Variants in NBR1 observed in about 807,000 individuals in gnomAD.
The protein encoded by NBR1 is next to BRCA1 gene 1 protein.
A neutral mutation model predicts 115.5 loss-of-function variants in NBR1; 59 were observed. The observed-to-expected ratio is 0.51, with a 90% CI of 0.41 to 0.63. The LOEUF (loss-of-function observed/expected upper bound fraction) is 0.63. Among genes scored for constraint, NBR1 ranks in the 30% least tolerant of loss-of-function variants. The probability of loss-of-function intolerance (pLI) is 0.00; values close to 1 mark genes in which losing one functional copy is unlikely to be tolerated. For missense variants in NBR1, 1,043 were observed against 1,150.5 expected (o/e 0.91, Z 1.35); for synonymous variants, 373 against 414.7 (o/e 0.90, Z 1.22).
intron 6 of NBR1, among the ~76,000 whole-genome samples, chr17:43,186,681 C>T (rs1043948681): frequency 2.6e-5 from 4 of 152,068 alleles, no homozygotes; most frequent in Non-Finnish European, 4.4e-5. Context: ...CACCCCACCC[C>T]CTGACAGGCC....
chr17:43,190,182 A>T (rs1431550730), intron 8 of NBR1: 1 of 289,300 alleles, frequency 3.5e-6, no homozygotes, highest in Non-Finnish European at 6.5e-6. Context: ...TCACCCTCCC[A>T]GGCTCAGACA....
intron 20 of NBR1, among the ~76,000 whole-genome samples, chr17:43,207,240 C>T (rs2057334749): frequency 6.6e-6 from 1 of 152,182 alleles, no homozygotes; most frequent in African/African-American, 2.4e-5. Flanking sequence ...CCCTCAGTAT[C>T]TATGACGGTT....
chr17:43,195,068 C>T (rs747806554), intron 14 of NBR1, 29 bp downstream of exon 14: 20 of 1,576,118 alleles, frequency 1.3e-5, no homozygotes, highest in African/African-American at 2.7e-5. Context: ...TCATCTTGTT[C>T]GTCTTACTAA....
At chr17:43,176,333 G>A (rs2056515970) in intron 2 of NBR1, 1 of 153,534 alleles carries the variant, frequency 6.5e-6, no homozygotes. Flanking sequence ...CAGAGGTTGA[G>A]TATCTCAGAG....
At position 43,186,409 on chromosome 17, in the gene NBR1, T is replaced by A; in HGVS notation, c.367T>A (p.Ser123Thr). 4 of 1,599,874 alleles carry A rather than the reference T, an allele frequency of 2.5e-6. No homozygotes were observed. The highest frequency in any genetic ancestry group is 3.4e-6 in the Non-Finnish European group (4 of 1,174,394). ...CTCTTCACTGGTGAGAGTCTTGGGATCAGACATGAAGACCCCAGAGGATCC... is the reference window on the plus strand; with the variant it reads ...CTCTTCACTGGTGAGAGTCTTGGGAACAGACATGAAGACCCCAGAGGATCC... ...HYSSLVRVLG[S>T]DMKTPEDPAV... The change falls in exon 6 of 21, where the codon TCA (serine) becomes ACA (threonine). Residue 123 changes from serine to threonine, a missense_variant. Coordinates refer to ENST00000590996, the MANE Select transcript of NBR1 (RefSeq NM_005899.5).
chr17:43,186,351 T>A lies in NBR1; in HGVS notation c.309T>A (p.Ala103=). 4 of 1,600,616 alleles carry A rather than the reference T, an allele frequency of 2.5e-6. No individual in the cohort carries two copies. Among genetic ancestry groups the A allele is most frequent in the Non-Finnish European group, 3.4e-6 (4 of 1,173,676 alleles). The change falls in exon 6 of 21, where the codon GCT becomes GCA. Residue 103 remains alanine, a synonymous_variant. Transcript: ENST00000590996. ...CAGTTGTAGGAGCAAAACGACTAGC[T>A]GCCAGGGCAGGGAAGAAGCCACTTG... ...PPPVVGAKRL[A]ARAGKKPLAH...
chr17:43,205,681 A>G (rs1426622438), intron 20 of NBR1, among the ~76,000 whole-genome samples: 1 of 152,038 alleles, frequency 6.6e-6, no homozygotes, highest in Non-Finnish European at 1.5e-5. Flanking sequence ...GTTCAAGACC[A>G]GTTTGGGCAA....
At chr17:43,191,784 C>T (rs1026859311) in intron 10 of NBR1, among the ~76,000 whole-genome samples, 11 of 151,718 alleles carry the variant, frequency 7.3e-5, no homozygotes, top group African/African-American at 2.2e-4. Flanking sequence ...TGCAGTGGTG[C>T]GATCTCGGCT....
intron 15 of NBR1, 89 bp from the exon 16 acceptor site, chr17:43,196,853 C>T (rs2057079700): frequency 2.1e-6 from 3 of 1,432,780 alleles, no homozygotes; most frequent in Non-Finnish European, 2.9e-6. Flanking sequence ...GCAGCTATTC[C>T]TTGGTTTAGT....
intron 18 of NBR1, 77 bp downstream of exon 18, chr17:43,201,857 C>A: frequency 1.2e-6 from 1 of 828,762 alleles, no homozygotes; most frequent in Middle Eastern, 2.5e-4. Flanking sequence ...GCCTCTCTCT[C>A]TTCGTGATTC....
intron 16 of NBR1, among the ~76,000 whole-genome samples, chr17:43,197,334 A>G (rs1051981287): frequency 6.6e-6 from 1 of 152,124 alleles, no homozygotes; most frequent in African/African-American, 2.4e-5. Context: ...CCTGGCTAAC[A>G]TGGTGAAATC....
At chr17:43,200,992 C>G (rs1193070012) in intron 17 of NBR1, among the ~76,000 whole-genome samples, 3 of 152,050 alleles carry the variant, frequency 2.0e-5, no homozygotes, top group Non-Finnish European at 4.4e-5. Context: ...CCTCAGCCCC[C>G]TGAGTAGCTG....
chr17:43,176,036 C>A, intron 2 of NBR1, 135 bp downstream of exon 2: 2 of 545,420 alleles, frequency 3.7e-6, no homozygotes, highest in South Asian at 5.7e-5. Context: ...TGGAAAATTG[C>A]TTTTGATAGG....
intron 20 of NBR1, among the ~76,000 whole-genome samples, chr17:43,208,969 AAAAC>A (rs761282579): frequency 2.0e-4 from 30 of 152,180 alleles, no homozygotes; most frequent in Non-Finnish European, 3.4e-4. Flanking sequence ...CCTGTCTCAA[AAAAC>A]AAACAAAACA....
At chr17:43,180,205 C>T (rs1320531885) in intron 4 of NBR1, among the ~76,000 whole-genome samples, 1 of 152,084 alleles carries the variant, frequency 6.6e-6, no homozygotes, top group East Asian at 1.9e-4. Flanking sequence ...CTGAGAAATG[C>T]ATCAATTAGG....
At chr17:43,190,559 C>T (rs2056919401) in intron 8 of NBR1, 50 bp from the exon 9 acceptor site, 2 of 1,541,078 alleles carry the variant, frequency 1.3e-6, no homozygotes, top group Non-Finnish European at 1.8e-6. Context: ...CTCCCTACCC[C>T]AGGTACTTCC....
intron 19 of NBR1, 141 bp from the exon 20 acceptor site, chr17:43,203,540 A>G: frequency 1.8e-6 from 1 of 565,536 alleles, no homozygotes; most frequent in Non-Finnish European, 3.2e-6. Flanking sequence ...TAAAGCTGAT[A>G]ATGAAAGCAA....
rs551701655 is a variant in NBR1, at chr17:43,210,857, C to T, written c.*783C>T. The T allele has an allele frequency of 1.4e-4, 55 of 397,064 alleles. No homozygotes were observed. The East Asian group carries it at 1.8e-3, about 13-fold the overall frequency. 24.6% of individuals were successfully genotyped at this position (397,064 alleles called of 1,614,324 possible). A position where few individuals can be genotyped will look rare whatever the true frequency, so the allele number is the denominator to read the frequency against. On this transcript the variant is annotated 3_prime_UTR_variant, in exon 21 of 21. Transcript: ENST00000590996. ...AATCTTATAGAAAAGGAAAAAATCC[C>T]GTTATTTAAAGGGAAAAGTAAATTT... is the stretch of plus-strand genomic sequence containing the variant.
intron 2 of NBR1, chr17:43,176,566 A>G (rs758530673): frequency 6.6e-6 from 1 of 152,170 alleles, no homozygotes; most frequent in Non-Finnish European, 1.5e-5. Context: ...AAAAAGGGAA[A>G]GAAATGGTAG....
Sources: allele counts gnomAD v4.1 joint callset (sites outside exome capture counted in the v4.1 genomes callset), GRCh38; gene constraint gnomAD v4.1.1; transcripts MANE v1.5; gene names NCBI Gene and HGNC (gene_info 2026-07-23, HGNC 2026-07-21).